The following IL34 variants were observed in gnomAD, a reference collection of about 807,000 sequenced individuals.
The protein encoded by IL34 is interleukin 34, also known as interleukin-34.
A neutral mutation model predicts 25.3 loss-of-function variants in IL34; 17 were observed. The ratio of observed to expected loss-of-function variants is 0.67; its 90% CI spans 0.46 to 1.01. The LOEUF is 1.01. Ranked by LOEUF, IL34 falls within the 50% of genes least tolerant of loss-of-function variation. IL34 has a pLI of 0.00. For missense variants in IL34, 368 were observed against 312.9 expected (o/e 1.18, Z -1.33); for synonymous variants, 174 against 140.9 (o/e 1.23, Z -1.66).
upstream of IL34, among the ~76,000 whole-genome samples, chr16:70,644,308 C>A (rs185670246): frequency 6.6e-4 from 101 of 152,228 alleles, no homozygotes; most frequent in African/African-American, 2.3e-3. Context: ...TCAACTGATT[C>A]ACCCGCCTCG....
intron 1 of IL34, among the ~76,000 whole-genome samples, chr16:70,603,703 A>G (rs1202059320): frequency 1.3e-5 from 2 of 152,164 alleles, no homozygotes; most frequent in African/African-American, 4.8e-5. Context: ...AGCCTCCTGA[A>G]CAACTGGGAG....
chr16:70,656,210 G>T (rs527831386), intron 2 of IL34, among the ~76,000 whole-genome samples: 1 of 152,282 alleles, frequency 6.6e-6, no homozygotes, highest in East Asian at 1.9e-4. Flanking sequence ...GCCGTCAAAG[G>T]TCTGGGCCCT....
intron 1 of IL34, among the ~76,000 whole-genome samples, chr16:70,619,551 C>T (rs201653329): frequency 0.079 from 9,005 of 114,202 alleles, no homozygotes; most frequent in South Asian, 0.15. Flanking sequence ...CCGTCAATAC[C>T]CACAACAGTT....
chr16:70,642,278 G>A (rs373543288), upstream of IL34, among the ~76,000 whole-genome samples: 2 of 150,726 alleles, frequency 1.3e-5, no homozygotes, highest in African/African-American at 4.9e-5. Context: ...CAGAGAGAGT[G>A]AGCGTACTCT....
At chr16:70,656,786 C>A in intron 3 of IL34, 107 bp downstream of exon 3, 1 of 965,832 alleles carries the variant, frequency 1.0e-6, no homozygotes, top group Non-Finnish European at 1.7e-6. Context: ...TGGCCTGGGG[C>A]CTCTCCTCAG....
intron 1 of IL34, among the ~76,000 whole-genome samples, chr16:70,622,457 T>G (rs927895120): frequency 1.6e-5 from 2 of 123,936 alleles, no homozygotes; most frequent in Non-Finnish European, 3.8e-5. Flanking sequence ...GGAAAGGAAA[T>G]GAGAGGTTCT....
upstream of IL34, among the ~76,000 whole-genome samples, chr16:70,644,983 TAGG>T (rs1195222004): frequency 6.2e-5 from 4 of 64,508 alleles, no homozygotes; most frequent in Non-Finnish European, 1.3e-4. Context: ...AGAAAGGGAG[TAGG>T]AGGAAGGAGG....
chr16:70,632,167 T>A (rs77353367), intron 1 of IL34, among the ~76,000 whole-genome samples: 7,287 of 151,782 alleles, frequency 0.048, 486 homozygotes, highest in African/African-American at 0.14. Context: ...GGCAATTAGT[T>A]AATGCTTGAA....
chr16:70,631,744 C>T (rs1270678223), intron 1 of IL34, among the ~76,000 whole-genome samples: 1 of 152,152 alleles, frequency 6.6e-6, no homozygotes, highest in Non-Finnish European at 1.5e-5. Context: ...AGCAGGTATA[C>T]ACTGGGCGGG....
At chr16:70,641,259 C>T (rs755461566) in intron 1 of IL34, among the ~76,000 whole-genome samples, 9 of 138,318 alleles carry the variant, frequency 6.5e-5, no homozygotes, top group South Asian at 2.5e-4. Flanking sequence ...GGCAACAGAG[C>T]GAGACTTCAT....
chr16:70,654,713 C>T (rs765727716), intron 2 of IL34, 42 bp downstream of exon 2: 6 of 1,562,252 alleles, frequency 3.8e-6, no homozygotes, highest in Admixed American at 3.5e-5. Flanking sequence ...CCCCGCGTCC[C>T]GGGGTTCACC....
chr16:70,656,481 T>C (rs2052222000), intron 2 of IL34, 121 bp from the exon 3 acceptor site: 1 of 730,802 alleles, frequency 1.4e-6, no homozygotes, highest in Non-Finnish European at 2.5e-6. Flanking sequence ...ATGCTGCCCC[T>C]GCACTCCATA....
chr16:70,586,343 C>G (rs138951176), intron 1 of IL34, among the ~76,000 whole-genome samples: 1 of 152,144 alleles, frequency 6.6e-6, no homozygotes, highest in Non-Finnish European at 1.5e-5. Context: ...GAAGCCAAGA[C>G]GGATCACTTG....
intron 1 of IL34, among the ~76,000 whole-genome samples, chr16:70,632,947 TCTTA>T (rs944564396): frequency 1.3e-5 from 2 of 151,856 alleles, no homozygotes; most frequent in African/African-American, 2.4e-5. Context: ...AAAATAAAAT[TCTTA>T]CTTAAAATGT....
chr16:70,657,634 T>TC (rs1390168703), intron 4 of IL34, among the ~76,000 whole-genome samples: 1 of 151,956 alleles, frequency 6.6e-6, no homozygotes, highest in Non-Finnish European at 1.5e-5. Flanking sequence ...AATAAGCCAG[T>TC]CCTGGTGGTG....
At chr16:70,627,642 T>A (rs2051425919) in intron 1 of IL34, among the ~76,000 whole-genome samples, 1 of 152,020 alleles carries the variant, frequency 6.6e-6, no homozygotes, top group South Asian at 2.1e-4. Context: ...CTAATCTTTT[T>A]ATTTTTTTGT....
chr16:70,644,572 A>G (rs931016091), upstream of IL34, among the ~76,000 whole-genome samples: 1 of 152,084 alleles, frequency 6.6e-6, no homozygotes, highest in Non-Finnish European at 1.5e-5. Context: ...AAAAGGGTAA[A>G]ATGTAGTATA....
intron 2 of IL34, 39 bp downstream of exon 2, chr16:70,654,710 T>A (rs754272089): frequency 1.9e-6 from 3 of 1,565,426 alleles, no homozygotes; most frequent in East Asian, 4.5e-5. Flanking sequence ...TGTCCCCGCG[T>A]CCCGGGGTTC....
intron 1 of IL34, among the ~76,000 whole-genome samples, chr16:70,582,152 G>A (rs574223654): frequency 6.6e-6 from 1 of 152,224 alleles, no homozygotes; most frequent in African/African-American, 2.4e-5. Flanking sequence ...AGAGTGAAAG[G>A]CTTCATTGCC....
Sources: allele counts gnomAD v4.1 joint callset (sites outside exome capture counted in the v4.1 genomes callset), GRCh38; gene constraint gnomAD v4.1.1; transcripts MANE v1.5; gene names NCBI Gene and HGNC (gene_info 2026-07-23, HGNC 2026-07-21).